Variants in REDIC1 observed in about 807,000 individuals in gnomAD.
The protein encoded by REDIC1 is HEI10 Interacting Protein 1.
the REDIC1 span, among the ~76,000 whole-genome samples, chr12:39,700,188 TG>T: frequency 4.7e-4 from 72 of 152,012 alleles, no homozygotes; most frequent in African/African-American, 1.5e-3. Flanking sequence ...TTGAAAACTT[TG>T]AAAAAAAACT....
the REDIC1 span, among the ~76,000 whole-genome samples, chr12:39,695,293 C>T: frequency 2.0e-5 from 3 of 152,188 alleles, no homozygotes; most frequent in Non-Finnish European, 4.4e-5. Context: ...ACCAAGTAGG[C>T]TCTTGGGGTC....
At chr12:39,711,265 A>ATG in the REDIC1 span, among the ~76,000 whole-genome samples, 1 of 149,558 alleles carries the variant, frequency 6.7e-6, no homozygotes, top group African/African-American at 2.4e-5. Flanking sequence ...TATATGTGAT[A>ATG]TGTGTATATA....
At chr12:39,864,038 T>C in the REDIC1 span, among the ~76,000 whole-genome samples, 1 of 152,242 alleles carries the variant, frequency 6.6e-6, no homozygotes, top group Admixed American at 6.5e-5. Flanking sequence ...CTAGACTTTA[T>C]GGTGGCTAAA....
At chr12:39,712,130 A>G in the REDIC1 span, among the ~76,000 whole-genome samples, 14 of 142,952 alleles carry the variant, frequency 9.8e-5, no homozygotes, top group African/African-American at 3.3e-4. Context: ...ATATACCTGT[A>G]TGTACATATA....
chr12:39,691,989 G>C, the REDIC1 span: 2 of 1,393,380 alleles, frequency 1.4e-6, no homozygotes, highest in South Asian at 2.8e-5. Flanking sequence ...AAATAAGGTA[G>C]ATATAAGTGA....
chr12:39,628,810 A>G, the REDIC1 span, among the ~76,000 whole-genome samples: 1 of 152,190 alleles, frequency 6.6e-6, no homozygotes, highest in East Asian at 1.9e-4. Flanking sequence ...CACTGTTCTA[A>G]GTGCTTATTC....
At chr12:39,706,738 C>A in the REDIC1 span, among the ~76,000 whole-genome samples, 1 of 151,920 alleles carries the variant, frequency 6.6e-6, no homozygotes, top group Non-Finnish European at 1.5e-5. Context: ...ATAGAGGTGC[C>A]AAGAACATGC....
At chr12:39,858,760 C>T in the REDIC1 span, among the ~76,000 whole-genome samples, 1 of 152,094 alleles carries the variant, frequency 6.6e-6, no homozygotes, top group African/African-American at 2.4e-5. Context: ...GAGCCTGCCA[C>T]CACACTTGGC....
chr12:39,654,916 TG>T, the REDIC1 span, among the ~76,000 whole-genome samples: 1 of 152,318 alleles, frequency 6.6e-6, no homozygotes, highest in Middle Eastern at 3.4e-3. Flanking sequence ...TTTCTTGTTA[TG>T]GTCTGTTCAG....
the REDIC1 span, among the ~76,000 whole-genome samples, chr12:39,884,422 G>C: frequency 6.6e-6 from 1 of 152,130 alleles, no homozygotes; most frequent in Admixed American, 6.6e-5. Flanking sequence ...ACCTCTGGTT[G>C]CCTAAAACAC....
chr12:39,864,972 G>T, the REDIC1 span: 1 of 1,239,386 alleles, frequency 8.1e-7, no homozygotes, highest in Non-Finnish European at 1.1e-6. Flanking sequence ...AAAAAACAAA[G>T]AAACAAACAA....
chr12:39,662,054 T>C, the REDIC1 span, among the ~76,000 whole-genome samples: 1 of 152,152 alleles, frequency 6.6e-6, no homozygotes, highest in Non-Finnish European at 1.5e-5. Context: ...TATAGCCTTG[T>C]AATATATTTT....
the REDIC1 span, among the ~76,000 whole-genome samples, chr12:39,712,089 C>CCTACCTGTATGTATAT: frequency 2.5e-4 from 25 of 100,386 alleles, no homozygotes; most frequent in Non-Finnish European, 3.8e-4. Context: ...TGTATATATA[C>CCTACCTGTATGTATAT]ATACATATAT....
the REDIC1 span, chr12:39,716,632 C>A: frequency 3.2e-6 from 2 of 623,866 alleles, no homozygotes; most frequent in African/African-American, 4.0e-5. Context: ...AATTTTGGTA[C>A]ATTTTAAAGT....
chr12:39,715,936 C>T, the REDIC1 span, among the ~76,000 whole-genome samples: 2,804 of 151,968 alleles, frequency 0.018, 76 homozygotes, highest in African/African-American at 0.06. Context: ...ACCTGCTTTT[C>T]GGGGGTATAA....
chr12:39,632,100 T>C, the REDIC1 span, among the ~76,000 whole-genome samples: 2 of 151,958 alleles, frequency 1.3e-5, no homozygotes, highest in South Asian at 2.1e-4. Flanking sequence ...TATTTATTTT[T>C]ATTTTTTATT....
the REDIC1 span, among the ~76,000 whole-genome samples, chr12:39,904,653 T>C: frequency 1.3e-5 from 2 of 152,128 alleles, no homozygotes; most frequent in African/African-American, 4.8e-5. Flanking sequence ...CTTCTTCTCA[T>C]GGAAGACAGA....
the REDIC1 span, among the ~76,000 whole-genome samples, chr12:39,737,963 G>C: frequency 6.6e-6 from 1 of 152,134 alleles, no homozygotes. Flanking sequence ...ATAAAATTCT[G>C]AACTAAGAAG....
At chr12:39,800,539 C>T in the REDIC1 span, among the ~76,000 whole-genome samples, 5 of 114,900 alleles carry the variant, frequency 4.4e-5, no homozygotes, top group East Asian at 1.2e-3. Context: ...ATCAAAACCA[C>T]TATGAGATAT....
Sources: allele counts gnomAD v4.1 joint callset (sites outside exome capture counted in the v4.1 genomes callset), GRCh38; gene constraint gnomAD v4.1.1; transcripts MANE v1.5; gene names NCBI Gene and HGNC (gene_info 2026-07-23, HGNC 2026-07-21).